Variants in RABGAP1L observed in about 807,000 individuals in gnomAD.
RABGAP1L encodes the protein rab GTPase-activating protein 1-like.
RABGAP1L carries 63 observed loss-of-function variants against 137.7 expected under a neutral mutation model. That is an observed-to-expected ratio of 0.46 (90% CI 0.37 to 0.56). The LOEUF (loss-of-function observed/expected upper bound fraction) is 0.56. RABGAP1L is among the 20% of genes least tolerant of loss of function. The probability of loss-of-function intolerance (pLI) is 0.00; values close to 1 mark genes in which losing one functional copy is unlikely to be tolerated. For synonymous variants in RABGAP1L, 431 were observed against 433.7 expected (o/e 0.99, Z 0.08); for missense variants, 1,095 against 1,244.0 (o/e 0.88, Z 1.80).
rs906633134 is a variant in RABGAP1L, at chr1:174,226,381, C to T, written c.332-4764C>T. 1.1e-4 allele frequency among the ~76,000 whole-genome samples: 16 copies of T among 152,216 alleles called. No homozygotes were observed. In the East Asian group the frequency reaches 1.7e-3, roughly 17 times the overall value. The stretch of plus-strand genomic sequence containing the variant: ...TTCAAGACCAGCCTGCGCAACATAG[C>T]GAAACCCAATCTCAATAAAAAAAGA... On this transcript the variant is annotated intron_variant, in intron 3 of 25. Transcript: ENST00000681986.
At chr1:174,675,651 T>C (rs1381568643) in intron 14 of RABGAP1L, among the ~76,000 whole-genome samples, 1 of 152,154 alleles carries the variant, frequency 6.6e-6, no homozygotes, top group African/African-American at 2.4e-5. Flanking sequence ...TTGATGGGGA[T>C]GGCATTGAAT....
intron 17 of RABGAP1L, among the ~76,000 whole-genome samples, chr1:174,712,090 A>AACG (rs1313376915): frequency 6.6e-6 from 1 of 152,178 alleles, no homozygotes; most frequent in Non-Finnish European, 1.5e-5. Flanking sequence ...GCCAGTCAGC[A>AACG]CCCTGTCAAA....
In RABGAP1L at chr1:174,414,910, GA is replaced by G. The variant is rs147319148; in HGVS notation, c.1710+20774del. The stretch of plus-strand genomic sequence containing the variant: ...TTTTACTGCCTTTTTCTATCAAATA[GA>G]AAAAAAAATGGAAAAACCATTTAAT... On this transcript the variant is annotated intron_variant, in intron 13 of 25. Transcript: ENST00000681986. Among the ~76,000 whole-genome samples the G allele has an allele frequency of 2.7e-5, 4 of 149,694 alleles. 1 individual carries two copies. Among genetic ancestry groups the G allele is most frequent in the African/African-American group, 9.8e-5 (4 of 40,738 alleles).
chr1:174,686,688 C>T (rs1407729311), intron 15 of RABGAP1L, among the ~76,000 whole-genome samples: 4 of 125,764 alleles, frequency 3.2e-5, no homozygotes, highest in Non-Finnish European at 6.4e-5. Context: ...GATGGAGTCT[C>T]GCTCAGTTGC....
chr1:174,611,981 T>A (rs907086408), intron 13 of RABGAP1L, among the ~76,000 whole-genome samples: 4 of 152,350 alleles, frequency 2.6e-5, no homozygotes, highest in South Asian at 2.1e-4. Context: ...TTTCTAGATA[T>A]ACAATCATGT....
At chr1:174,924,006 C>G (rs1425710663) in intron 19 of RABGAP1L, among the ~76,000 whole-genome samples, 1 of 151,998 alleles carries the variant, frequency 6.6e-6, no homozygotes, top group Non-Finnish European at 1.5e-5. Context: ...TTAGGAGATG[C>G]AAATATGACT....
intron 14 of RABGAP1L, among the ~76,000 whole-genome samples, chr1:174,647,808 A>G (rs2148377130): frequency 6.6e-6 from 1 of 152,290 alleles, no homozygotes; most frequent in Non-Finnish European, 1.5e-5. Flanking sequence ...TACCTCTGGT[A>G]GAATTCAACT....
chr1:174,610,577 G>A lies in RABGAP1L; in HGVS notation c.1711-26798G>A, dbSNP rs570345763. On this transcript the variant is annotated intron_variant, in intron 13 of 25. Transcript: ENST00000681986. ...TCCTTTGGGTATATACCCAGTAATGGGATGGCTGGGTCAAATGGTATTTCT... is the reference window on the plus strand; with the variant it reads ...TCCTTTGGGTATATACCCAGTAATGAGATGGCTGGGTCAAATGGTATTTCT... Among the ~76,000 whole-genome samples the A allele has an allele frequency of 3.0e-3, 452 of 152,120 alleles. 2 individuals carry two copies. The highest frequency in any genetic ancestry group is 5.6e-3 in the African/African-American group (234 of 41,468).
intron 11 of RABGAP1L, among the ~76,000 whole-genome samples, chr1:174,353,665 T>C (rs1683380592): frequency 6.6e-6 from 1 of 152,240 alleles, no homozygotes. Flanking sequence ...GGCTGAATTT[T>C]GTCCTGTGTT....
chr1:174,927,321 T>C (rs1663007335), intron 19 of RABGAP1L, among the ~76,000 whole-genome samples: 1 of 152,202 alleles, frequency 6.6e-6, no homozygotes. Context: ...TTTAATTTTA[T>C]TAAGTGTTGT....
At chr1:174,512,596 T>C (rs1001512354) in intron 13 of RABGAP1L, among the ~76,000 whole-genome samples, 2 of 152,180 alleles carry the variant, frequency 1.3e-5, no homozygotes, top group Admixed American at 6.5e-5. Context: ...TAAAAAGGCA[T>C]GTTTCAAAGC....
At chr1:174,462,600 C>T (rs1319952701) in intron 13 of RABGAP1L, among the ~76,000 whole-genome samples, 2 of 152,034 alleles carry the variant, frequency 1.3e-5, no homozygotes, top group East Asian at 1.9e-4. Context: ...AATTTCAAGA[C>T]ACTGAGCTTT....
chr1:174,877,503 A>C lies in RABGAP1L; in HGVS notation c.2340+65543A>C, dbSNP rs1229832932. 4 of 1,614,146 alleles carry C rather than the reference A, an allele frequency of 2.5e-6. No individual in the cohort carries two copies. The East Asian group carries it at 6.7e-5, about 27-fold the overall frequency. ...AAAGGCCAGCTGGCAAGATGATGGA[A>C]GAAATCTCCATTATGGTAGCCTATG... On this transcript the variant is annotated intron_variant, in intron 19 of 25. Coordinates refer to ENST00000681986, the MANE Select transcript of RABGAP1L (RefSeq NM_001366446.1).
At chr1:174,849,293 A>C (rs1452803651) in intron 19 of RABGAP1L, among the ~76,000 whole-genome samples, 4 of 152,190 alleles carry the variant, frequency 2.6e-5, no homozygotes, top group Non-Finnish European at 4.4e-5. Context: ...TCACTATCAC[A>C]TATGAAGAAT....
At chr1:174,356,052 CAT>C (rs1350134207) in intron 11 of RABGAP1L, among the ~76,000 whole-genome samples, 1 of 152,148 alleles carries the variant, frequency 6.6e-6, no homozygotes, top group Non-Finnish European at 1.5e-5. Context: ...CATTTAAGGT[CAT>C]ACACATGTGG....
chr1:174,925,354 C>CAAAAAAAAAA (rs545791515), intron 19 of RABGAP1L, among the ~76,000 whole-genome samples: 5 of 54,768 alleles, frequency 9.1e-5, no homozygotes, highest in Admixed American at 2.4e-4. Context: ...GACTCCGTCT[C>CAAAAAAAAAA]AAAAAAAAAA....
intron 19 of RABGAP1L, among the ~76,000 whole-genome samples, chr1:174,956,770 C>T (rs1321908182): frequency 6.6e-6 from 1 of 151,638 alleles, no homozygotes; most frequent in Non-Finnish European, 1.5e-5. Context: ...GCCTCAGCCT[C>T]CAGAGTAGCT....
chr1:174,355,809 G>A (rs547161153), intron 11 of RABGAP1L, among the ~76,000 whole-genome samples: 15 of 152,212 alleles, frequency 9.9e-5, no homozygotes, highest in Admixed American at 8.5e-4. Context: ...GATTCAGAAT[G>A]ACAGTGATGA....
intron 17 of RABGAP1L, among the ~76,000 whole-genome samples, chr1:174,708,399 C>T (rs917146657): frequency 2.6e-5 from 4 of 152,172 alleles, no homozygotes; most frequent in Non-Finnish European, 4.4e-5. Flanking sequence ...CCCAATGAGA[C>T]CAATGCAGAG....
Sources: gnomAD v4.1 joint callset for allele counts (sites outside exome capture counted in the v4.1 genomes callset) on GRCh38, gnomAD v4.1.1 for gene constraint, MANE v1.5 for transcripts, NCBI Gene and HGNC (gene_info 2026-07-23, HGNC 2026-07-21) for gene names.